The following GALNTL6 variants were observed in gnomAD, a reference collection of about 807,000 sequenced individuals.
GALNTL6 encodes the protein polypeptide N-acetylgalactosaminyltransferase like 6.
GALNTL6 carries 46 observed loss-of-function variants against 73.7 expected under a neutral mutation model. The observed-to-expected ratio is 0.62, with a 90% CI of 0.49 to 0.80. The LOEUF (loss-of-function observed/expected upper bound fraction) is 0.80. Among genes scored for constraint, GALNTL6 ranks in the 30% least tolerant of loss-of-function variants. The probability of loss-of-function intolerance (pLI) is 0.00; values close to 1 mark genes in which losing one functional copy is unlikely to be tolerated. For missense variants in GALNTL6, 604 were observed against 755.0 expected (o/e 0.80, Z 2.34); for synonymous variants, 259 against 263.7 (o/e 0.98, Z 0.17).
At chr4:172,243,624 C>T (rs1044273845) in intron 3 of GALNTL6, among the ~76,000 whole-genome samples, 1 of 152,208 alleles carries the variant, frequency 6.6e-6, no homozygotes, top group African/African-American at 2.4e-5. Flanking sequence ...ATTAAAGTCA[C>T]TAAGCGGTTT....
intron 5 of GALNTL6, among the ~76,000 whole-genome samples, chr4:172,371,037 A>G (rs1048871107): frequency 6.6e-6 from 1 of 152,224 alleles, no homozygotes; most frequent in Non-Finnish European, 1.5e-5. Flanking sequence ...GTCCATATTA[A>G]CTTAGAATTG....
Position 171,941,669 on chromosome 4 carries a change from TTG to T in GALNTL6, c.138+126952_138+126953del, listed in dbSNP as rs528786858. Among the ~76,000 whole-genome samples the T allele has an allele frequency of 2.3e-4, 35 of 152,136 alleles. No individual in the cohort carries two copies. The South Asian group carries it at 7.3e-3, about 32-fold the overall frequency. On this transcript the variant is annotated intron_variant, in intron 2 of 12. Coordinates refer to ENST00000506823, the MANE Select transcript of GALNTL6 (RefSeq NM_001034845.3). ...TGTAGCTTGGCAGGTTTTCCTACCT[TTG>T]AAAAAGGAACCTGATTCAACAGCCT... is the stretch of plus-strand genomic sequence containing the variant.
chr4:172,736,344 A>C (rs1440194850), intron 5 of GALNTL6, among the ~76,000 whole-genome samples: 1 of 152,216 alleles, frequency 6.6e-6, no homozygotes, highest in Admixed American at 6.5e-5. Flanking sequence ...TGAGAAAAAG[A>C]ATTCAGTGAT....
intron 2 of GALNTL6, among the ~76,000 whole-genome samples, chr4:171,911,942 C>G (rs1737487144): frequency 6.6e-6 from 1 of 152,004 alleles, no homozygotes; most frequent in African/African-American, 2.4e-5. Flanking sequence ...AAATGAATGT[C>G]TCCTTTAAAT....
chr4:172,239,561 A>AT (rs1221392023), intron 3 of GALNTL6, among the ~76,000 whole-genome samples: 1 of 150,404 alleles, frequency 6.6e-6, no homozygotes, highest in African/African-American at 2.4e-5. Flanking sequence ...GATGTTTTGT[A>AT]TTTTTTTTAT....
intron 3 of GALNTL6, among the ~76,000 whole-genome samples, chr4:172,303,246 T>A (rs1469066208): frequency 2.6e-5 from 4 of 152,048 alleles, no homozygotes; most frequent in African/African-American, 7.2e-5. Context: ...GATCCACCTG[T>A]CTCAGCCTCC....
intron 2 of GALNTL6, among the ~76,000 whole-genome samples, chr4:171,852,463 T>C (rs1250948102): frequency 6.6e-6 from 1 of 151,986 alleles, no homozygotes; most frequent in Admixed American, 6.6e-5. Flanking sequence ...TAAAAAGATA[T>C]AAAATACCAT....
At position 172,177,132 on chromosome 4, in the gene GALNTL6, G is replaced by A. The variant is rs913338554; in HGVS notation, c.139-52524G>A. On this transcript the variant is annotated intron_variant, in intron 2 of 12. Transcript: ENST00000506823. Reference sequence around the variant, plus strand: ...ACAAGAAGGAAGTAGTCAGCATATAGGAGGAGAATTAGTAAAAATGAAAAT... The same window carrying A: ...ACAAGAAGGAAGTAGTCAGCATATAAGAGGAGAATTAGTAAAAATGAAAAT... Among the ~76,000 whole-genome samples, 12 of 152,140 alleles carry A rather than the reference G, an allele frequency of 7.9e-5. 1 individual carries two copies. Among genetic ancestry groups the A allele is most frequent in the Non-Finnish European group, 1.5e-4 (10 of 68,018 alleles).
intron 3 of GALNTL6, among the ~76,000 whole-genome samples, chr4:172,235,018 ATTC>A (rs1190175755): frequency 6.6e-6 from 1 of 152,126 alleles, no homozygotes; most frequent in Admixed American, 6.5e-5. Flanking sequence ...AATTAATGGT[ATTC>A]TTCTAGTAAT....
chr4:173,022,100 A>G (rs1753031196), intron 12 of GALNTL6, among the ~76,000 whole-genome samples: 1 of 146,768 alleles, frequency 6.8e-6, no homozygotes, highest in Non-Finnish European at 1.5e-5. Context: ...AGAAGGAAGG[A>G]AGGAAGGAAA....
intron 10 of GALNTL6, 123 bp from the exon 11 acceptor site, chr4:173,009,055 C>A: frequency 1.5e-6 from 1 of 687,620 alleles, no homozygotes; most frequent in South Asian, 1.7e-5. Flanking sequence ...TTCAAGGTCT[C>A]ATTCAATATG....
intron 2 of GALNTL6, among the ~76,000 whole-genome samples, chr4:172,210,002 T>C (rs1736272219): frequency 6.6e-6 from 1 of 152,078 alleles, no homozygotes; most frequent in Non-Finnish European, 1.5e-5. Context: ...AGTTATTAAT[T>C]ATGCTAATGC....
At chr4:172,691,795 C>A (rs550939495) in intron 5 of GALNTL6, among the ~76,000 whole-genome samples, 1 of 152,350 alleles carries the variant, frequency 6.6e-6, no homozygotes, top group South Asian at 2.1e-4. Context: ...GTCTCTCATA[C>A]TCTATGATAT....
At chr4:172,713,794 T>C (rs573673050) in intron 5 of GALNTL6, among the ~76,000 whole-genome samples, 97 of 152,276 alleles carry the variant, frequency 6.4e-4, no homozygotes, top group African/African-American at 2.2e-3. Context: ...TCCAACTCTG[T>C]TGTCATCGTT....
At chr4:172,982,783 A>T (rs909672084) in intron 10 of GALNTL6, among the ~76,000 whole-genome samples, 93 of 152,218 alleles carry the variant, frequency 6.1e-4, no homozygotes, top group African/African-American at 2.0e-3. Flanking sequence ...TACGAAAAAA[A>T]TTTTTTTTCC....
chr4:172,989,961 C>T (rs559386088), intron 10 of GALNTL6, among the ~76,000 whole-genome samples: 1 of 152,288 alleles, frequency 6.6e-6, no homozygotes, highest in South Asian at 2.1e-4. Context: ...TCTGTGCCTT[C>T]AGATGCTTAT....
chr4:172,903,029 T>G (rs569748315), intron 8 of GALNTL6, among the ~76,000 whole-genome samples: 11 of 152,330 alleles, frequency 7.2e-5, no homozygotes, highest in African/African-American at 2.6e-4. Context: ...ATTCAAGACA[T>G]AGCCAATAGC....
chr4:172,726,729 AG>A (rs773145039), intron 5 of GALNTL6, among the ~76,000 whole-genome samples: 54 of 152,348 alleles, frequency 3.5e-4, no homozygotes, highest in Non-Finnish European at 6.0e-4. Context: ...ATATTGATTG[AG>A]AGCCTATCAT....
At chr4:172,866,702 C>T (rs539170635) in intron 7 of GALNTL6, among the ~76,000 whole-genome samples, 1 of 152,286 alleles carries the variant, frequency 6.6e-6, no homozygotes, top group South Asian at 2.1e-4. Context: ...CCTGTGGTTT[C>T]TCCTACCTCT....
Sources: gnomAD v4.1 joint callset for allele counts (sites outside exome capture counted in the v4.1 genomes callset) on GRCh38, gnomAD v4.1.1 for gene constraint, MANE v1.5 for transcripts, NCBI Gene and HGNC (gene_info 2026-07-23, HGNC 2026-07-21) for gene names.